The following SPICE1 variants were observed in gnomAD, a reference collection of about 807,000 sequenced individuals.
SPICE1 encodes the protein spindle and centriole-associated protein 1.
A neutral mutation model predicts 102.7 loss-of-function variants in SPICE1; 75 were observed. The observed-to-expected ratio is 0.73, with a 90% CI of 0.61 to 0.88. SPICE1 has a LOEUF of 0.88. SPICE1 is among the 40% of genes least tolerant of loss of function. The probability of loss-of-function intolerance (pLI) is 0.00; values close to 1 mark genes in which losing one functional copy is unlikely to be tolerated. For synonymous variants in SPICE1, 308 were observed against 350.3 expected (o/e 0.88, Z 1.35); for missense variants, 979 against 1,020.1 (o/e 0.96, Z 0.55).
At chr3:113,485,378 C>T (rs757925041) in intron 7 of SPICE1, among the ~76,000 whole-genome samples, 2 of 152,176 alleles carry the variant, frequency 1.3e-5, no homozygotes, top group East Asian at 1.9e-4. Flanking sequence ...CAACCTGGGA[C>T]GCTCGAGCTT....
chr3:113,464,498 T>C (rs575046787), intron 11 of SPICE1, among the ~76,000 whole-genome samples: 1 of 152,234 alleles, frequency 6.6e-6, no homozygotes, highest in Admixed American at 6.5e-5. Context: ...TCAAGTGATC[T>C]TCCCACCTTG....
At chr3:113,507,002 A>G (rs891155250) in intron 1 of SPICE1, among the ~76,000 whole-genome samples, 8 of 152,328 alleles carry the variant, frequency 5.3e-5, no homozygotes, top group Non-Finnish European at 1.0e-4. Context: ...AAAGGGCAAA[A>G]GAGAGTTGGA....
At chr3:113,484,764 C>G (rs1347921664) in intron 7 of SPICE1, among the ~76,000 whole-genome samples, 1 of 151,884 alleles carries the variant, frequency 6.6e-6, no homozygotes, top group Non-Finnish European at 1.5e-5. Flanking sequence ...GATTTCCATT[C>G]TTTTGCATTT....
intron 4 of SPICE1, chr3:113,499,071 T>C: frequency 6.4e-6 from 1 of 156,692 alleles, no homozygotes; most frequent in Non-Finnish European, 1.4e-5. Flanking sequence ...TGAGAAAAAT[T>C]ATTATAGCAG....
intron 14 of SPICE1, among the ~76,000 whole-genome samples, chr3:113,451,322 TC>T (rs773287961): frequency 3.5e-4 from 53 of 151,566 alleles, no homozygotes; most frequent in East Asian, 1.4e-3. Context: ...ATTTGAAAAT[TC>T]CCCCCCCAAA....
Position 113,460,613 on chromosome 3 carries a change from T to C in SPICE1, c.1435+4A>G, listed in dbSNP as rs567113254. 22 of 1,599,098 alleles carry C rather than the reference T, an allele frequency of 1.4e-5. No individual in the cohort carries two copies. The South Asian group carries it at 1.9e-4, about 14-fold the overall frequency. On this transcript the variant is annotated splice_donor_region_variant and intron_variant, in intron 12 of 17. Coordinates refer to ENST00000295872, the MANE Select transcript of SPICE1 (RefSeq NM_144718.4). ...ACAGTCTGAGAGAGTAAGACCACACTCACCTGGACTGTCCATAACTCTTCT... is the reference window on the plus strand; with the variant it reads ...ACAGTCTGAGAGAGTAAGACCACACCCACCTGGACTGTCCATAACTCTTCT...
chr3:113,466,128 A>C (rs1159484848), intron 10 of SPICE1, among the ~76,000 whole-genome samples: 1 of 152,242 alleles, frequency 6.6e-6, no homozygotes, highest in African/African-American at 2.4e-5. Context: ...ATAGTTGGCT[A>C]TAAATAAGCA....
At chr3:113,514,121 C>T (rs548182048) in intron 1 of SPICE1, among the ~76,000 whole-genome samples, 4 of 152,184 alleles carry the variant, frequency 2.6e-5, no homozygotes, top group African/African-American at 9.6e-5. Flanking sequence ...AATGCATTTA[C>T]GAAGAGTTTG....
Position 113,444,884 on chromosome 3 carries a change from A to C in SPICE1, c.*423T>G, listed in dbSNP as rs947947400. On this transcript the variant is annotated 3_prime_UTR_variant, in exon 18 of 18. Transcript: ENST00000295872. ...GGTGTTACATATTCCTGAAAGCCAG[A>C]CTCTAATCACACAGAGGAATTTTAT... The C allele has an allele frequency of 6.6e-6, 1 of 152,648 alleles. No homozygotes were observed. The highest frequency in any genetic ancestry group is 2.4e-5 in the African/African-American group (1 of 41,462). 9.5% of individuals were successfully genotyped at this position (152,648 alleles called of 1,614,324 possible).
chr3:113,487,326 T>C (rs1014748876), intron 7 of SPICE1, among the ~76,000 whole-genome samples: 4 of 152,102 alleles, frequency 2.6e-5, no homozygotes, highest in African/African-American at 7.2e-5. Flanking sequence ...AAACCAATAG[T>C]GTTAAATTGG....
At chr3:113,463,639 A>C (rs1466705021) in intron 11 of SPICE1, among the ~76,000 whole-genome samples, 1 of 152,258 alleles carries the variant, frequency 6.6e-6, no homozygotes, top group Non-Finnish European at 1.5e-5. Flanking sequence ...TAAACATTAT[A>C]CTAAGTGAAA....
chr3:113,490,648 GA>G (rs369496763), intron 6 of SPICE1, among the ~76,000 whole-genome samples: 8,043 of 144,070 alleles, frequency 0.056, 281 homozygotes, highest in East Asian at 0.11. Context: ...TCTCAAAAAA[GA>G]AAAAAAAAAA....
chr3:113,450,318 C>A lies in SPICE1; in HGVS notation c.2323+18G>T, dbSNP rs116350906. 1.2e-3 allele frequency: 1,909 copies of A among 1,613,322 alleles called. 26 individuals are homozygous for A. The African/African-American group carries it at 0.023, about 19-fold the overall frequency. On this transcript the variant is annotated intron_variant, in intron 15 of 17. Transcript: ENST00000295872. ...ACCTTCATATTTCTAGTTTTTAAAT[C>A]ATGAATTTGTGACCAACCAGTCCAT...
At chr3:113,489,168 C>G in intron 6 of SPICE1, 105 bp from the exon 7 acceptor site, 1 of 654,796 alleles carries the variant, frequency 1.5e-6, no homozygotes, top group South Asian at 1.9e-5. Flanking sequence ...CCTCCTAAGC[C>G]CTCCACATGT....
chr3:113,472,857 G>C (rs1368025870), intron 7 of SPICE1, among the ~76,000 whole-genome samples: 1 of 152,154 alleles, frequency 6.6e-6, no homozygotes, highest in South Asian at 2.1e-4. Flanking sequence ...AGAAAAACTG[G>C]AAACTCTAAA....
At chr3:113,476,894 A>T (rs1464424507) in intron 7 of SPICE1, among the ~76,000 whole-genome samples, 1 of 152,188 alleles carries the variant, frequency 6.6e-6, no homozygotes, top group African/African-American at 2.4e-5. Context: ...TCATGTCTAA[A>T]ACACCAAAAG....
At chr3:113,467,631 T>C (rs1177610958) in intron 10 of SPICE1, among the ~76,000 whole-genome samples, 2 of 152,218 alleles carry the variant, frequency 1.3e-5, no homozygotes, top group African/African-American at 4.8e-5. Context: ...TTTTATAAAT[T>C]ATTTTTACAA....
At position 113,448,061 on chromosome 3, in the gene SPICE1, G is replaced by A. The variant is rs61748326; in HGVS notation, c.2403C>T (p.Pro801=). ...PESSKCSTVS[P]VSGINTRRSS... Reference sequence around the variant, plus strand: ...ACCTTCTTGTATTTATCCCGCTGACGGGAGAGACAGTACTACATTTTGAGC... The same window carrying A: ...ACCTTCTTGTATTTATCCCGCTGACAGGAGAGACAGTACTACATTTTGAGC... The change falls in exon 16 of 18, where the codon CCC becomes CCT. Residue 801 remains proline, a synonymous_variant. Transcript: ENST00000295872. The A allele has an allele frequency of 9.0e-4, 1,450 of 1,608,634 alleles. 3 individuals carry two copies. The highest frequency in any genetic ancestry group is 1.1e-3 in the Non-Finnish European group (1,259 of 1,177,636).
At chr3:113,496,284 C>T (rs1936883381) in intron 4 of SPICE1, among the ~76,000 whole-genome samples, 1 of 151,812 alleles carries the variant, frequency 6.6e-6, no homozygotes, top group Non-Finnish European at 1.5e-5. Context: ...TCTCATAAAG[C>T]CCATCCATTT....
Sources: allele counts gnomAD v4.1 joint callset (sites outside exome capture counted in the v4.1 genomes callset), GRCh38; gene constraint gnomAD v4.1.1; transcripts MANE v1.5; gene names NCBI Gene and HGNC (gene_info 2026-07-23, HGNC 2026-07-21).